The following LRIT1 variants were observed in gnomAD, a reference collection of about 807,000 sequenced individuals.
LRIT1 encodes the protein leucine-rich repeat, immunoglobulin-like domain and transmembrane domain-containing protein 1.
In LRIT1, 23 loss-of-function variants were observed where a neutral mutation model predicts 24.0. The ratio of observed to expected loss-of-function variants is 0.96; its 90% CI spans 0.69 to 1.36. The LOEUF (loss-of-function observed/expected upper bound fraction) is 1.36. Among genes scored for constraint, LRIT1 ranks in the 40% most tolerant of loss-of-function variants. The pLI is 0.00. For synonymous variants in LRIT1, 361 were observed against 340.5 expected, an observed-to-expected ratio of 1.06 and a Z score of -0.66; for missense variants, 846 against 806.3, an observed-to-expected ratio of 1.05 and a Z score of -0.60.
chr10:84,239,681 A>C (rs1027040411), intron 1 of LRIT1, among the ~76,000 whole-genome samples: 3 of 152,220 alleles, frequency 2.0e-5, no homozygotes, highest in Non-Finnish European at 2.9e-5. Flanking sequence ...AAATCCATTC[A>C]GATGCATAGC....
chr10:84,238,239 C>T (rs553436133), intron 1 of LRIT1, among the ~76,000 whole-genome samples: 11 of 151,908 alleles, frequency 7.2e-5, no homozygotes, highest in Admixed American at 2.6e-4. Flanking sequence ...CCTGTAGTCC[C>T]AGCTACTCGG....
chr10:84,239,560 T>C (rs1442337232), intron 1 of LRIT1, among the ~76,000 whole-genome samples: 2 of 152,264 alleles, frequency 1.3e-5, no homozygotes, highest in East Asian at 1.9e-4. Context: ...AAAAGGGGCA[T>C]TTAAAGGAAA....
chr10:84,239,305 T>C (rs1842675106), intron 1 of LRIT1, among the ~76,000 whole-genome samples: 1 of 152,040 alleles, frequency 6.6e-6, no homozygotes, highest in Non-Finnish European at 1.5e-5. Context: ...TTCGGGCAGG[T>C]GTGATAGCTC....
chr10:84,237,665 G>A lies in LRIT1; in HGVS notation c.144C>T (p.Pro48=), dbSNP rs143467084. ...SKARTVVCND[P]DMTLPPASIP... ...TGGACGCCGGGGGCAGGGTCATGTC[G>A]GGGTCGTTGCACACTACTGTCCTGC... is the stretch of plus-strand genomic sequence containing the variant. Residue 48 remains proline, a synonymous_variant, in exon 2 of 4, where the codon CCC becomes CCT. Transcript: ENST00000372105. The A allele has an allele frequency of 1.1e-3, 1,805 of 1,602,920 alleles. 7 individuals are homozygous for A. The highest frequency in any genetic ancestry group is 5.6e-3 in the Middle Eastern group (34 of 6,044).
intron 1 of LRIT1, among the ~76,000 whole-genome samples, chr10:84,238,483 G>A (rs1044177975): frequency 3.3e-5 from 5 of 152,140 alleles, no homozygotes; most frequent in African/African-American, 9.7e-5. Flanking sequence ...CCACCTCTGC[G>A]GAGCCATGCG....
chr10:84,236,291 G>A (rs111488002), intron 2 of LRIT1, among the ~76,000 whole-genome samples: 8 of 149,552 alleles, frequency 5.3e-5, no homozygotes, highest in African/African-American at 9.8e-5. Context: ...GCAAGACTCC[G>A]TCTCAAAAAA....
chr10:84,236,401 A>G (rs1168140650), intron 2 of LRIT1, among the ~76,000 whole-genome samples: 1 of 152,280 alleles, frequency 6.6e-6, no homozygotes, highest in Non-Finnish European at 1.5e-5. Flanking sequence ...GAATGGCTAA[A>G]TAAACTATAG....
rs1363554237 is a variant in LRIT1 at position 84,241,504 on chromosome 10, A to AGCAAGCCCC, written c.-66_-65insGGGGCTTGC. The AGCAAGCCCC allele has an allele frequency of 7.0e-7, 1 of 1,429,904 alleles. No homozygotes were observed. The highest frequency in any genetic ancestry group is 1.5e-5 in the African/African-American group (1 of 68,444). 88.6% of individuals were successfully genotyped at this position (1,429,904 alleles called of 1,614,324 possible). A position where few individuals can be genotyped will look rare whatever the true frequency, so the allele number is the denominator to read the frequency against. On this transcript the variant is annotated 5_prime_UTR_variant, in exon 1 of 4. Transcript: ENST00000372105. ...CTGGACCGCTCCGTCCCACCGGCCCAGCAAGCTCAGCAGCTGCCCACTTGC... is the reference window on the plus strand; with the variant it reads ...CTGGACCGCTCCGTCCCACCGGCCCAGCAAGCCCCGCAAGCTCAGCAGCTGCCCACTTGC...
In LRIT1 at chr10:84,237,836, G is replaced by T. The variant is rs141220529; in HGVS notation, c.123-150C>A. 290 of 630,406 alleles carry T rather than the reference G, an allele frequency of 4.6e-4. 1 individual carries two copies. The African/African-American group carries it at 4.9e-3, about 11-fold the overall frequency. 39.1% of individuals were successfully genotyped at this position (630,406 alleles called of 1,614,324 possible). On this transcript the variant is annotated intron_variant, in intron 1 of 3. Transcript: ENST00000372105. ...AGCCATGACGGGGACCTGGAGAGGG[G>T]CCCGGAGTAAGCAGACCTACTTTTC... is the stretch of plus-strand genomic sequence containing the variant.
Position 84,241,456 on chromosome 10 carries a change from C to T in LRIT1, c.-17G>A. The T allele has an allele frequency of 6.5e-7, 1 of 1,534,064 alleles. No homozygotes were observed. Among genetic ancestry groups the T allele is most frequent in the Non-Finnish European group, 8.7e-7 (1 of 1,144,360 alleles). On this transcript the variant is annotated 5_prime_UTR_variant, in exon 1 of 4. Transcript: ENST00000372105. ...CACCCTCATGGCTCCTGGCTCCTCTCTGGCCCAGGCAGGGGCCTGTCCCTG... is the reference window on the plus strand; with the variant it reads ...CACCCTCATGGCTCCTGGCTCCTCTTTGGCCCAGGCAGGGGCCTGTCCCTG...
chr10:84,235,369 G>A (rs1564543947), intron 2 of LRIT1, among the ~76,000 whole-genome samples: 2 of 152,108 alleles, frequency 1.3e-5, no homozygotes, highest in African/African-American at 4.8e-5. Context: ...TTGGTTAAAC[G>A]CACTTAATGA....
rs767968938 is a variant in LRIT1 at position 84,237,471 on chromosome 10, C to T, written c.338G>A (p.Arg113Gln). Reference protein sequence around the residue: ...LRGLRRLRELRLPGNRLAAFP... With the variant: ...LRGLRRLRELQLPGNRLAAFP... ...GGCGGCCAGGCGGTTCCCGGGCAGC[C>T]GCAGCTCCCGCAGGCGTCGCAGGCC... Residue 113 changes from arginine (R) to glutamine (Q), a missense_variant, in exon 2 of 4, where the codon CGG becomes CAG. By Grantham distance (43) the Arg-to-Gln change is conservative. Transcript: ENST00000372105. 8 of 1,576,580 alleles carry T rather than the reference C, an allele frequency of 5.1e-6. No homozygotes were observed. Among genetic ancestry groups the T allele is most frequent in the Non-Finnish European group, 6.9e-6 (8 of 1,165,476 alleles).
intron 3 of LRIT1, among the ~76,000 whole-genome samples, chr10:84,233,658 G>A (rs1011315246): frequency 5.9e-5 from 9 of 152,214 alleles, no homozygotes; most frequent in Non-Finnish European, 1.3e-4. Context: ...AATACACTTA[G>A]CACTGTGCTA....
intron 2 of LRIT1, among the ~76,000 whole-genome samples, chr10:84,236,279 G>A (rs1447789501): frequency 1.3e-5 from 2 of 151,050 alleles, no homozygotes; most frequent in African/African-American, 4.9e-5. Context: ...CTGGGCGACA[G>A]AGCAAGACTC....
Position 84,234,073 on chromosome 10 carries a change from C to T in LRIT1, c.895G>A (p.Val299Met). 2 of 1,530,998 alleles carry T rather than the reference C, an allele frequency of 1.3e-6. No individual in the cohort carries two copies. The highest frequency in any genetic ancestry group is 1.4e-5 in the African/African-American group (1 of 72,728). The allele number at this position is 1,530,998 out of a possible 1,614,324, so 94.8% of individuals were successfully genotyped here. The change falls in exon 3 of 4, where the codon GTG becomes ATG. Residue 299 changes from valine (V) to methionine (M), a missense_variant and splice_region_variant. By Grantham distance (21) the Val-to-Met change is conservative. Coordinates refer to ENST00000372105, the MANE Select transcript of LRIT1 (RefSeq NM_015613.3). ...TGCAGCATCCCTGTAGCTCACATAC[C>T]TGTACCATTAAGGGGCCTGCCATTG... is the stretch of plus-strand genomic sequence containing the variant. Reference protein sequence around the residue: ...RANGRPLNGTVHQEVSSDGTS... With the variant: ...RANGRPLNGTMHQEVSSDGTS...
intron 1 of LRIT1, 79 bp from the exon 2 acceptor site, chr10:84,237,765 G>A (rs577677151): frequency 2.6e-6 from 3 of 1,145,854 alleles, no homozygotes; most frequent in Non-Finnish European, 3.7e-6. Context: ...CCTTCGCGAG[G>A]CCTCCAGTTC....
rs576723573 is a variant in LRIT1, at chr10:84,233,878, C to A, written c.895+195G>T. 2.0e-5 allele frequency among the ~76,000 whole-genome samples: 3 copies of A among 152,322 alleles called. No homozygotes were observed. The East Asian group carries it at 5.8e-4, about 29-fold the overall frequency. On this transcript the variant is annotated intron_variant, in intron 3 of 3. Transcript: ENST00000372105. ...GGATATGATAGGACAGGTCAAGAGCCACTGTCATTGTTGAATCTGTTGTCA... is the reference window on the plus strand; with the variant it reads ...GGATATGATAGGACAGGTCAAGAGCAACTGTCATTGTTGAATCTGTTGTCA...
chr10:84,237,124 T>C, intron 2 of LRIT1, 96 bp downstream of exon 2: 1 of 1,028,012 alleles, frequency 9.7e-7, no homozygotes, highest in Non-Finnish European at 1.4e-6. Context: ...TGCTCAAACC[T>C]GGAAGGAAGG....
Position 84,231,943 on chromosome 10 carries a change from T to C in LRIT1, c.1856A>G (p.Asn619Ser), listed in dbSNP as rs149664131. The C allele has an allele frequency of 3.3e-5, 53 of 1,606,838 alleles. No individual in the cohort carries two copies. The highest frequency in any genetic ancestry group is 1.5e-4 in the South Asian group (14 of 90,900). The change falls in exon 4 of 4, where the codon AAT becomes AGT. Residue 619 changes from asparagine to serine, a missense_variant. Coordinates refer to ENST00000372105, the MANE Select transcript of LRIT1 (RefSeq NM_015613.3). ...GCATATCCCTCAGCAGAAGTACTCA[T>C]TGATTCTCCTGCCCCCTTTGACTCC... Reference protein sequence around the residue: ...AFGVKGGRRINEYFC With the variant: ...AFGVKGGRRISEYFC
Sources: gnomAD v4.1 joint callset for allele counts (sites outside exome capture counted in the v4.1 genomes callset) on GRCh38, gnomAD v4.1.1 for gene constraint, MANE v1.5 for transcripts, NCBI Gene and HGNC (gene_info 2026-07-23, HGNC 2026-07-21) for gene names.